The following PUS7 variants were observed in gnomAD, a reference collection of about 807,000 sequenced individuals.
PUS7 encodes pseudouridine synthase 7.
PUS7 carries 48 observed loss-of-function variants against 79.8 expected under a neutral mutation model. That is an observed-to-expected ratio of 0.60 (90% CI 0.48 to 0.76). The LOEUF (loss-of-function observed/expected upper bound fraction) is 0.76. Among genes scored for constraint, PUS7 ranks in the 30% least tolerant of loss-of-function variants. The probability of loss-of-function intolerance (pLI) is 0.00; values close to 1 mark genes in which losing one functional copy is unlikely to be tolerated. For synonymous variants in PUS7, 286 were observed against 272.2 expected (o/e 1.05, Z -0.50); for missense variants, 729 against 797.6 (o/e 0.91, Z 1.04).
intron 7 of PUS7, among the ~76,000 whole-genome samples, chr7:105,484,629 G>T (rs1824469391): frequency 6.6e-6 from 1 of 151,596 alleles, no homozygotes; most frequent in Non-Finnish European, 1.5e-5. Flanking sequence ...GACCAGCCTG[G>T]CCAATATGGT....
At chr7:105,519,237 ATTTT>A (rs55829105) in intron 1 of PUS7, among the ~76,000 whole-genome samples, 1 of 142,670 alleles carries the variant, frequency 7.0e-6, no homozygotes, top group Non-Finnish European at 1.5e-5. Flanking sequence ...GAACACACTA[ATTTT>A]TTTTTTTTTG....
intron 5 of PUS7, among the ~76,000 whole-genome samples, chr7:105,499,783 A>G (rs1439199825): frequency 1.3e-5 from 2 of 152,212 alleles, no homozygotes; most frequent in Admixed American, 6.5e-5. Context: ...AATTTCTATC[A>G]GGATCTGGTA....
At chr7:105,481,362 A>G (rs1379894776) in intron 8 of PUS7, among the ~76,000 whole-genome samples, 185 bp from the exon 9 acceptor site, 3 of 152,130 alleles carry the variant, frequency 2.0e-5, no homozygotes, top group South Asian at 2.1e-4. Flanking sequence ...CAAATTTACT[A>G]TTTTAGCCAT....
intron 7 of PUS7, among the ~76,000 whole-genome samples, chr7:105,483,659 T>C (rs1824423483): frequency 1.3e-5 from 2 of 151,366 alleles, no homozygotes; most frequent in Non-Finnish European, 2.9e-5. Flanking sequence ...CACCTGGCTA[T>C]GTTTTTTTGT....
chr7:105,461,797 A>C (rs1032465980), intron 14 of PUS7, among the ~76,000 whole-genome samples: 1 of 152,236 alleles, frequency 6.6e-6, no homozygotes, highest in African/African-American at 2.4e-5. Flanking sequence ...TATTGCTCCT[A>C]GGCTACAAAC....
chr7:105,484,099 T>A (rs1484670656), intron 7 of PUS7, among the ~76,000 whole-genome samples: 1 of 152,166 alleles, frequency 6.6e-6, no homozygotes, highest in African/African-American at 2.4e-5. Flanking sequence ...ATCATTTAAT[T>A]AGGATAGTAT....
At chr7:105,503,770 C>A (rs1445392292) in intron 4 of PUS7, among the ~76,000 whole-genome samples, 1 of 151,894 alleles carries the variant, frequency 6.6e-6, no homozygotes, top group African/African-American at 2.4e-5. Context: ...GAAGCTGGGA[C>A]TACAGGCATG....
intron 12 of PUS7, among the ~76,000 whole-genome samples, chr7:105,468,081 C>T (rs1402597150): frequency 6.6e-6 from 1 of 152,152 alleles, no homozygotes; most frequent in African/African-American, 2.4e-5. Context: ...TATAGGCATG[C>T]ACCACCACAC....
Position 105,498,262 on chromosome 7 carries a change from A to G in PUS7, c.731-3009T>C, listed in dbSNP as rs545940849. Reference sequence around the variant, plus strand: ...GAATATTTTAAATAACAGAAAATCAATGAGTCTCCATTTATTTTGGGCAAT... The same window carrying G: ...GAATATTTTAAATAACAGAAAATCAGTGAGTCTCCATTTATTTTGGGCAAT... On this transcript the variant is annotated intron_variant, in intron 5 of 15. Transcript: ENST00000469408. 1.4e-4 allele frequency among the ~76,000 whole-genome samples: 21 copies of G among 152,382 alleles called. No homozygotes were observed. In the South Asian group the frequency reaches 3.9e-3, roughly 29 times the overall value.
intron 13 of PUS7, 40 bp from the exon 14 acceptor site, chr7:105,462,790 T>C: frequency 3.8e-6 from 6 of 1,587,534 alleles, no homozygotes; most frequent in Non-Finnish European, 4.3e-6. Context: ...ATGCAGCTTG[T>C]CAGTCAAGTT....
chr7:105,512,348 C>T (rs947856126), intron 1 of PUS7, among the ~76,000 whole-genome samples: 3 of 152,088 alleles, frequency 2.0e-5, no homozygotes, highest in Non-Finnish European at 4.4e-5. Context: ...AATGCTGACA[C>T]GATTTCACTC....
At chr7:105,500,756 A>G (rs1222982278) in intron 5 of PUS7, among the ~76,000 whole-genome samples, 1 of 152,186 alleles carries the variant, frequency 6.6e-6, no homozygotes, top group Non-Finnish European at 1.5e-5. Context: ...GCTACACACT[A>G]TCCTTGGGAG....
chr7:105,466,403 G>A (rs1563354675), intron 12 of PUS7, among the ~76,000 whole-genome samples: 1 of 151,814 alleles, frequency 6.6e-6, no homozygotes, highest in Non-Finnish European at 1.5e-5. Flanking sequence ...GACTGTAAGT[G>A]TGTGCTACTA....
At chr7:105,518,928 C>T (rs1825998721) in intron 1 of PUS7, among the ~76,000 whole-genome samples, 1 of 151,884 alleles carries the variant, frequency 6.6e-6, no homozygotes, top group African/African-American at 2.4e-5. Flanking sequence ...GCCACAACAC[C>T]AGGCTAATTT....
intron 13 of PUS7, 52 bp downstream of exon 13, chr7:105,465,261 G>A: frequency 7.7e-7 from 1 of 1,296,966 alleles, no homozygotes; most frequent in Non-Finnish European, 1.1e-6. Flanking sequence ...TGAAATAGTA[G>A]CTTCATTATG....
chr7:105,496,108 A>G (rs1165189117), intron 5 of PUS7, among the ~76,000 whole-genome samples: 2 of 151,386 alleles, frequency 1.3e-5, no homozygotes, highest in Admixed American at 6.6e-5. Flanking sequence ...TACCGAGCCA[A>G]GATCGTGCCA....
chr7:105,497,734 T>C (rs1825093786), intron 5 of PUS7, among the ~76,000 whole-genome samples: 1 of 152,192 alleles, frequency 6.6e-6, no homozygotes. Flanking sequence ...GAAATATTTA[T>C]GAGTGAAAAG....
rs1825450243 is a variant in PUS7 at position 105,506,204 on chromosome 7, A to AAT, written c.466_467dup (p.Pro157PhefsTer16). Reference sequence around the variant, plus strand: ...CTACTTCTACCTCCTCATCCACTGGAATGGACAAGTCATTCAAATGGCTGA... The same window carrying AAT: ...CTACTTCTACCTCCTCATCCACTGGAATATGGACAAGTCATTCAAATGGCTGA... On this transcript the variant is annotated frameshift_variant, in exon 3 of 16. Transcript: ENST00000469408. LOFTEE classifies it high-confidence loss of function. 1 of 1,612,620 alleles carries AAT rather than the reference A, an allele frequency of 6.2e-7. No homozygotes were observed. The highest frequency in any genetic ancestry group is 8.5e-7 in the Non-Finnish European group (1 of 1,179,360).
At chr7:105,464,437 G>A (rs1823556024) in intron 13 of PUS7, among the ~76,000 whole-genome samples, 2 of 152,162 alleles carry the variant, frequency 1.3e-5, no homozygotes, top group Non-Finnish European at 2.9e-5. Flanking sequence ...TGGGCAGAGT[G>A]GGGAAGATCT....
Sources: allele counts gnomAD v4.1 joint callset (sites outside exome capture counted in the v4.1 genomes callset), GRCh38; gene constraint gnomAD v4.1.1; transcripts MANE v1.5; gene names NCBI Gene and HGNC (gene_info 2026-07-23, HGNC 2026-07-21).